PRICKLE1: variants seen among roughly 807,000 people sequenced by gnomAD.
PRICKLE1 encodes prickle-like protein 1.
Under a neutral mutation model 70.2 loss-of-function variants are expected in PRICKLE1, and 14 were observed. The observed-to-expected ratio is 0.20, with a 90% CI of 0.13 to 0.31. The LOEUF is 0.31. PRICKLE1 is among the 10% of genes least tolerant of loss of function. PRICKLE1 has a pLI of 1.00. For missense variants in PRICKLE1, 821 were observed against 1,026.2 expected, an observed-to-expected ratio of 0.80 and a Z score of 2.73; for synonymous variants, 357 against 379.9, an observed-to-expected ratio of 0.94 and a Z score of 0.70.
chr12:42,515,237 T>C (rs1401828415), intron 1 of PRICKLE1, among the ~76,000 whole-genome samples: 1 of 129,918 alleles, frequency 7.7e-6, no homozygotes, highest in East Asian at 2.5e-4. Flanking sequence ...TAAGGCATTA[T>C]CTATTTTTTT....
At chr12:42,475,608 C>T (rs1006672992) in intron 1 of PRICKLE1, among the ~76,000 whole-genome samples, 6 of 152,098 alleles carry the variant, frequency 3.9e-5, no homozygotes, top group African/African-American at 1.4e-4. Flanking sequence ...GGAAGGTAGT[C>T]CACTTTACCC....
chr12:42,471,895 T>C (rs993570758), intron 2 of PRICKLE1, among the ~76,000 whole-genome samples: 7 of 152,236 alleles, frequency 4.6e-5, no homozygotes, highest in African/African-American at 1.7e-4. Context: ...GGCTCTTTTA[T>C]ATGCAAAGTT....
chr12:42,468,457 A>T (rs1274835015), intron 5 of PRICKLE1, among the ~76,000 whole-genome samples, 169 bp downstream of exon 5: 1 of 152,246 alleles, frequency 6.6e-6, no homozygotes, highest in Admixed American at 6.5e-5. Context: ...TTACTTTTGC[A>T]GCAACCAAAT....
intron 1 of PRICKLE1, among the ~76,000 whole-genome samples, chr12:42,565,746 C>A (rs1940610933): frequency 6.6e-6 from 1 of 152,160 alleles, no homozygotes; most frequent in Non-Finnish European, 1.5e-5. Context: ...TCTTTTTAAA[C>A]CAGCCCCGAC....
chr12:42,580,028 C>G (rs367774659), intron 1 of PRICKLE1, among the ~76,000 whole-genome samples: 24 of 152,148 alleles, frequency 1.6e-4, no homozygotes, highest in South Asian at 1.2e-3. Flanking sequence ...CCCGCCACCA[C>G]GTCCAGCTAA....
At chr12:42,528,558 A>C (rs1465259400) in intron 1 of PRICKLE1, among the ~76,000 whole-genome samples, 2 of 152,222 alleles carry the variant, frequency 1.3e-5, no homozygotes, top group Admixed American at 6.5e-5. Flanking sequence ...TTCATAATAA[A>C]ACATTATTGC....
At chr12:42,530,923 G>A (rs1051609911) in intron 1 of PRICKLE1, among the ~76,000 whole-genome samples, 9 of 151,142 alleles carry the variant, frequency 6.0e-5, no homozygotes, top group Admixed American at 2.0e-4. Flanking sequence ...TACCTGCTTC[G>A]GCCTCCCAAA....
At chr12:42,526,191 A>G (rs1442298979) in intron 1 of PRICKLE1, among the ~76,000 whole-genome samples, 1 of 152,220 alleles carries the variant, frequency 6.6e-6, no homozygotes, top group Non-Finnish European at 1.5e-5. Context: ...TTCACGATTC[A>G]TGGGTATTTC....
intron 1 of PRICKLE1, among the ~76,000 whole-genome samples, chr12:42,575,162 T>C (rs868050259): frequency 2.0e-5 from 3 of 152,074 alleles, no homozygotes; most frequent in South Asian, 4.1e-4. Context: ...TAAGTTCAGA[T>C]TGTAACAACA....
intron 1 of PRICKLE1, among the ~76,000 whole-genome samples, chr12:42,555,315 C>T (rs1199719757): frequency 1.3e-5 from 2 of 151,954 alleles, no homozygotes; most frequent in Non-Finnish European, 2.9e-5. Flanking sequence ...AAAAACAAAA[C>T]AAAGCAAAAA....
intron 1 of PRICKLE1, among the ~76,000 whole-genome samples, chr12:42,534,341 C>T (rs1939981264): frequency 6.6e-6 from 1 of 152,036 alleles, no homozygotes; most frequent in African/African-American, 2.4e-5. Flanking sequence ...TGGATGGGGA[C>T]TCGGGTGAAT....
chr12:42,462,189 T>C (rs1238083296), intron 7 of PRICKLE1, among the ~76,000 whole-genome samples: 1 of 151,716 alleles, frequency 6.6e-6, no homozygotes, highest in African/African-American at 2.4e-5. Flanking sequence ...GTGTACCAAG[T>C]TATGTTTAAT....
chr12:42,497,320 C>T (rs180952661), intron 1 of PRICKLE1, among the ~76,000 whole-genome samples: 28 of 151,988 alleles, frequency 1.8e-4, no homozygotes, highest in African/African-American at 4.8e-4. Context: ...CCAGGGCGGG[C>T]GGATCACGAG....
chr12:42,464,212 G>A lies in PRICKLE1; in HGVS notation c.1639+183C>T, dbSNP rs895057220. The stretch of plus-strand genomic sequence containing the variant: ...ATTTTTGTATTTTTAGTAGAGCCGC[G>A]GTTTCGCCATGTTGCCTGGGCTGGT... On this transcript the variant is annotated intron_variant, in intron 7 of 7. Transcript: ENST00000345127. This position sits in a 1 kb window ranked among gnomAD's most constrained non-coding sequence, Gnocchi z 4.2. 3.8e-4 allele frequency among the ~76,000 whole-genome samples: 58 copies of A among 152,148 alleles called. No homozygotes were observed. The highest frequency in any genetic ancestry group is 1.3e-3 in the African/African-American group (56 of 41,498).
intron 1 of PRICKLE1, among the ~76,000 whole-genome samples, chr12:42,547,597 T>C (rs1940236927): frequency 6.6e-6 from 1 of 152,182 alleles, no homozygotes; most frequent in Non-Finnish European, 1.5e-5. Context: ...ACCTAATTCT[T>C]GATACTATTT....
At chr12:42,529,622 C>T (rs904954299) in intron 1 of PRICKLE1, among the ~76,000 whole-genome samples, 2 of 152,186 alleles carry the variant, frequency 1.3e-5, no homozygotes, top group South Asian at 2.1e-4. Flanking sequence ...AAGGCCGGTG[C>T]AGTGGCTCAT....
intron 1 of PRICKLE1, among the ~76,000 whole-genome samples, chr12:42,566,085 C>T (rs1337140725): frequency 6.6e-6 from 1 of 152,114 alleles, no homozygotes; most frequent in Non-Finnish European, 1.5e-5. Context: ...CTGTGGAGGG[C>T]TCTTAGTAGA....
At chr12:42,494,105 T>C (rs1258167006) in intron 1 of PRICKLE1, among the ~76,000 whole-genome samples, 1 of 152,242 alleles carries the variant, frequency 6.6e-6, no homozygotes, top group Non-Finnish European at 1.5e-5. Context: ...AAAAATATCT[T>C]ACTGCTAAAA....
chr12:42,485,252 T>G (rs1409570799), intron 1 of PRICKLE1: 30 of 136,750 alleles, frequency 2.2e-4, no homozygotes, highest in African/African-American at 8.5e-4. Flanking sequence ...TTTTTTTTTT[T>G]TTTTTTTTTT....
Sources: gnomAD v4.1 joint callset for allele counts (sites outside exome capture counted in the v4.1 genomes callset) on GRCh38, gnomAD v4.1.1 for gene constraint, Gnocchi (gnomAD v3.1) non-coding constraint, MANE v1.5 for transcripts, NCBI Gene and HGNC (gene_info 2026-07-23, HGNC 2026-07-21) for gene names.